Variants in CCDC171 observed in about 807,000 individuals in gnomAD.
CCDC171 encodes coiled-coil domain-containing protein 171.
A neutral mutation model predicts 168.2 loss-of-function variants in CCDC171; 177 were observed. The ratio of observed to expected loss-of-function variants is 1.05; its 90% confidence interval spans 0.93 to 1.19. CCDC171 has a LOEUF of 1.19. CCDC171 is among the 50% of genes most tolerant of loss of function. CCDC171 has a pLI of 0.00. For synonymous variants in CCDC171, 687 were observed against 540.8 expected (o/e 1.27, Z -3.75); for missense variants, 1,991 against 1,539.0 (o/e 1.29, Z -4.91).
chr9:15,567,982 C>G (rs572044944), intron 2 of CCDC171, among the ~76,000 whole-genome samples: 1 of 141,862 alleles, frequency 7.0e-6, no homozygotes, highest in Admixed American at 6.9e-5. Flanking sequence ...TTATTTTATT[C>G]TTTTTGATGC....
intron 1 of CCDC171, among the ~76,000 whole-genome samples, chr9:16,046,078 C>A (rs1030444829): frequency 1.3e-5 from 2 of 152,178 alleles, no homozygotes; most frequent in Non-Finnish European, 2.9e-5. Flanking sequence ...CCCATAGACA[C>A]AGTTATTGAG....
chr9:15,594,195 C>A (rs1226870920), intron 6 of CCDC171, 23 bp downstream of exon 6: 1 of 1,187,400 alleles, frequency 8.4e-7, no homozygotes, highest in South Asian at 1.4e-5. Context: ...TAATCAGTTC[C>A]TTAAATATAT....
chr9:15,730,644 C>T (rs542321191), intron 16 of CCDC171, among the ~76,000 whole-genome samples: 2 of 151,750 alleles, frequency 1.3e-5, no homozygotes, highest in South Asian at 4.2e-4. Context: ...AATATATATA[C>T]ACACACATAC....
intron 25 of CCDC171, among the ~76,000 whole-genome samples, chr9:15,927,463 C>G (rs1338381215): frequency 2.0e-5 from 3 of 151,654 alleles, no homozygotes; most frequent in African/African-American, 7.3e-5. Flanking sequence ...AACCCAAATA[C>G]TTTGCTGTGA....
intron 11 of CCDC171, among the ~76,000 whole-genome samples, chr9:15,701,412 T>G (rs565738454): frequency 5.3e-5 from 8 of 152,272 alleles, no homozygotes; most frequent in Middle Eastern, 3.4e-3. Context: ...TTAGTTGATT[T>G]TTTAATACAG....
chr9:15,832,741 T>G (rs183989503), intron 21 of CCDC171, among the ~76,000 whole-genome samples: 1 of 152,338 alleles, frequency 6.6e-6, no homozygotes, highest in East Asian at 1.9e-4. Flanking sequence ...ATAAGCACTG[T>G]ATACTTTTTG....
intron 21 of CCDC171, among the ~76,000 whole-genome samples, chr9:15,793,130 T>A (rs557246392): frequency 6.6e-6 from 1 of 151,852 alleles, no homozygotes; most frequent in Non-Finnish European, 1.5e-5. Flanking sequence ...TGGAGGAAGA[T>A]CTACCAAGCA....
At chr9:16,046,460 C>T (rs1227832271) in intron 1 of CCDC171, among the ~76,000 whole-genome samples, 1 of 152,184 alleles carries the variant, frequency 6.6e-6, no homozygotes, top group Non-Finnish European at 1.5e-5. Flanking sequence ...GGCAAAAGTT[C>T]TCAAAATAGC....
rs190459025 is a variant in CCDC171 at position 15,803,619 on chromosome 9, A to G, written c.3267+18925A>G. Among the ~76,000 whole-genome samples, 401 of 152,092 alleles carry G rather than the reference A, an allele frequency of 2.6e-3. 3 individuals carry two copies. The highest frequency in any genetic ancestry group is 8.6e-3 in the African/African-American group (358 of 41,492). On this transcript the variant is annotated intron_variant, in intron 21 of 25. Transcript: ENST00000380701. Reference sequence around the variant, plus strand: ...GTTCTTTATTCTGTTCCATTGGTCTATGTGTCTGTTCTTGTACCAGTACCA... The same window carrying G: ...GTTCTTTATTCTGTTCCATTGGTCTGTGTGTCTGTTCTTGTACCAGTACCA...
chr9:15,940,281 C>T (rs890716721), intron 25 of CCDC171, among the ~76,000 whole-genome samples: 4 of 151,776 alleles, frequency 2.6e-5, no homozygotes, highest in African/African-American at 7.3e-5. Flanking sequence ...ATGGATTTCC[C>T]ACCCATAGTA....
the CCDC171 span, among the ~76,000 whole-genome samples, chr9:16,104,059 C>T: frequency 6.6e-6 from 1 of 152,146 alleles, no homozygotes; most frequent in Non-Finnish European, 1.5e-5. Flanking sequence ...CTGGGTACCC[C>T]TTCTGTAGCT....
At chr9:15,689,527 A>G (rs1021643048) in intron 10 of CCDC171, among the ~76,000 whole-genome samples, 3 of 152,184 alleles carry the variant, frequency 2.0e-5, no homozygotes, top group East Asian at 1.9e-4. Flanking sequence ...CCTGGCCAAC[A>G]TGGTGAAACC....
chr9:15,607,278 C>G (rs1039453325), intron 6 of CCDC171, among the ~76,000 whole-genome samples: 6 of 152,220 alleles, frequency 3.9e-5, no homozygotes, highest in African/African-American at 1.4e-4. Flanking sequence ...TCATTGAAGA[C>G]AATTCTGAGT....
rs563764615 is a variant in CCDC171, at chr9:15,746,240, A to G, written c.2671+609A>G. ...GACTAATTATGGTCATTTCAGACAC[A>G]TTAATTGTTAAAATTGTGTAATGGA... is the stretch of plus-strand genomic sequence containing the variant. On this transcript the variant is annotated intron_variant, in intron 18 of 25. Transcript: ENST00000380701. Among the ~76,000 whole-genome samples, 65 of 152,340 alleles carry G rather than the reference A, an allele frequency of 4.3e-4. 1 individual carries two copies. The South Asian group carries it at 0.013, about 32-fold the overall frequency.
At chr9:15,902,137 A>T (rs1821758230) in intron 24 of CCDC171, among the ~76,000 whole-genome samples, 1 of 152,060 alleles carries the variant, frequency 6.6e-6, no homozygotes, top group Non-Finnish European at 1.5e-5. Context: ...AAAAAAATAA[A>T]AACTAACTGC....
At chr9:15,753,162 A>G (rs2055872778) in intron 18 of CCDC171, among the ~76,000 whole-genome samples, 1 of 152,158 alleles carries the variant, frequency 6.6e-6, no homozygotes, top group Non-Finnish European at 1.5e-5. Context: ...GAAGAGATAC[A>G]GGCTTTTAAT....
chr9:15,602,568 A>G (rs1265930060), intron 6 of CCDC171, among the ~76,000 whole-genome samples: 1 of 150,758 alleles, frequency 6.6e-6, no homozygotes, highest in Admixed American at 6.6e-5. Flanking sequence ...GAATATTAAC[A>G]TGAGTGAATT....
chr9:16,095,869 C>CATATATAT, the CCDC171 span, among the ~76,000 whole-genome samples: 3,767 of 123,520 alleles, frequency 0.03, 73 homozygotes, highest in South Asian at 0.058. Flanking sequence ...CACATAGGCA[C>CATATATAT]ATATATATAT....
At chr9:16,057,947 G>C (rs2133081454) in intron 1 of CCDC171, among the ~76,000 whole-genome samples, 1 of 151,968 alleles carries the variant, frequency 6.6e-6, no homozygotes, top group African/African-American at 2.4e-5. Context: ...ATGAAGCAGA[G>C]CACAAATGAA....
Sources: gnomAD v4.1 joint callset for allele counts (sites outside exome capture counted in the v4.1 genomes callset) on GRCh38, gnomAD v4.1.1 for gene constraint, MANE v1.5 for transcripts, NCBI Gene and HGNC (gene_info 2026-07-23, HGNC 2026-07-21) for gene names.